ZNF790: variants seen among roughly 807,000 people sequenced by gnomAD.
The protein encoded by ZNF790 is zinc finger protein 790.
In ZNF790, 8 loss-of-function variants were observed where a neutral mutation model predicts 12.1. That is an observed-to-expected ratio of 0.66 (90% CI 0.39 to 1.19). ZNF790 has a LOEUF of 1.19. Among genes scored for constraint, ZNF790 ranks in the 50% most tolerant of loss-of-function variants. The pLI is 0.01. For missense variants in ZNF790, 707 were observed against 752.2 expected (o/e 0.94, Z 0.70); for synonymous variants, 252 against 244.3 (o/e 1.03, Z -0.29).
In ZNF790 at chr19:36,823,652, A is replaced by G; in HGVS notation, c.133+15T>C. 1 of 1,597,050 alleles carries G rather than the reference A, an allele frequency of 6.3e-7. No individual in the cohort carries two copies. The highest frequency in any genetic ancestry group is 8.5e-7 in the Non-Finnish European group (1 of 1,176,222). On this transcript the variant is annotated intron_variant, in intron 3 of 4. Coordinates refer to ENST00000356725, the MANE Select transcript of ZNF790 (RefSeq NM_206894.4). ...ACAGAAAGCAGGAATTTCTAAGGAA[A>G]ATGCTGAATCTTACCCAGTGAGACC... is the stretch of plus-strand genomic sequence containing the variant.
At chr19:36,849,232 T>A (rs745509765) in intron 1 of ZNF790, among the ~76,000 whole-genome samples, 5 of 152,156 alleles carry the variant, frequency 3.3e-5, no homozygotes, top group African/African-American at 7.2e-5. Context: ...CGGCCCTTCC[T>A]GCCATTGTTA....
chr19:36,836,706 C>T (rs374571186), intron 1 of ZNF790, among the ~76,000 whole-genome samples: 2 of 152,176 alleles, frequency 1.3e-5, no homozygotes, highest in East Asian at 1.9e-4. Context: ...TGCAGTGAGC[C>T]GTGATTGCAC....
Position 36,825,658 on chromosome 19 carries a change from C to A in ZNF790, c.-39G>T, listed in dbSNP as rs1179998789. The A allele has an allele frequency of 6.2e-7, 1 of 1,613,574 alleles. No individual in the cohort carries two copies. Among genetic ancestry groups the A allele is most frequent in the South Asian group, 1.1e-5 (1 of 91,072 alleles). ...AAGTCCACCAGTCCTTCTCTGGATT[C>A]TTTCTTGGTGAGGCAGCGTGCTGGG... On this transcript the variant is annotated 5_prime_UTR_variant, in exon 2 of 5. Transcript: ENST00000356725.
At chr19:36,832,965 A>C (rs1420030041) in intron 1 of ZNF790, among the ~76,000 whole-genome samples, 1 of 133,518 alleles carries the variant, frequency 7.5e-6, no homozygotes, top group Non-Finnish European at 1.6e-5. Context: ...CAAAAGAATG[A>C]GACCTTCTCT....
chr19:36,843,860 T>C (rs755533979), intron 1 of ZNF790, among the ~76,000 whole-genome samples: 24 of 151,168 alleles, frequency 1.6e-4, no homozygotes, highest in Non-Finnish European at 2.7e-4. Context: ...AATACAAAAT[T>C]AGCCGGGCAT....
chr19:36,823,655 G>T lies in ZNF790; in HGVS notation c.133+12C>A, dbSNP rs748289419. The T allele has an allele frequency of 1.3e-6, 2 of 1,596,968 alleles. No individual in the cohort carries two copies. The highest frequency in any genetic ancestry group is 1.7e-6 in the Non-Finnish European group (2 of 1,176,160). On this transcript the variant is annotated intron_variant, in intron 3 of 4. Transcript: ENST00000356725. ...GAAAGCAGGAATTTCTAAGGAAAAT[G>T]CTGAATCTTACCCAGTGAGACCATG... is the stretch of plus-strand genomic sequence containing the variant.
Position 36,818,352 on chromosome 19 carries a change from G to C in ZNF790, c.*81C>G. ...GCCTTCCAATATTACTTACATTTGT[G>C]GTGTTCCTCAAGAGAAAAAAATAAA... On this transcript the variant is annotated 3_prime_UTR_variant, in exon 5 of 5. Coordinates refer to ENST00000356725, the MANE Select transcript of ZNF790 (RefSeq NM_206894.4). 14 of 1,343,112 alleles carry C rather than the reference G, an allele frequency of 1.0e-5. No homozygotes were observed. Among genetic ancestry groups the C allele is most frequent in the Non-Finnish European group, 1.4e-5 (14 of 1,003,792 alleles). The allele number at this position is 1,343,112 out of a possible 1,614,324, so 83.2% of individuals were successfully genotyped here.
chr19:36,850,287 C>T (rs1600679602), exon 1 of ZNF790: 1 of 152,252 alleles, frequency 6.6e-6, no homozygotes, highest in African/African-American at 2.4e-5. Flanking sequence ...ACTACGTTTC[C>T]CAGGAGACCC....
Position 36,838,386 on chromosome 19 carries a change from A to G in ZNF790, c.-123T>C, listed in dbSNP as rs1488895064. 2 of 152,150 alleles carry G rather than the reference A, an allele frequency of 1.3e-5. No individual in the cohort carries two copies. Among genetic ancestry groups the G allele is most frequent in the Non-Finnish European group, 2.9e-5 (2 of 68,068 alleles). The allele number at this position is 152,150 out of a possible 1,614,324, so 9.4% of individuals were successfully genotyped here. A position where few individuals can be genotyped will look rare whatever the true frequency, so the allele number is the denominator to read the frequency against. ...GGAAGGTTCCGCGATCTTTCTATTAACCCTAAAGGGACAGAGGGCTGACAG... is the reference window on the plus strand; with the variant it reads ...GGAAGGTTCCGCGATCTTTCTATTAGCCCTAAAGGGACAGAGGGCTGACAG... On this transcript the variant is annotated 5_prime_UTR_variant, in exon 1 of 5. Transcript: ENST00000356725. The surrounding 1 kb of genome is among the most constrained non-coding windows in gnomAD (Gnocchi z 4.4).
At chr19:36,846,631 T>C (rs552655657) in intron 1 of ZNF790, among the ~76,000 whole-genome samples, 17 of 152,038 alleles carry the variant, frequency 1.1e-4, no homozygotes, top group Non-Finnish European at 1.8e-4. Flanking sequence ...GAACAGGAAA[T>C]AGGAACTTTC....
At chr19:36,843,256 A>C (rs183363954), upstream of ZNF790, among the ~76,000 whole-genome samples, 1 of 152,242 alleles carries the variant, frequency 6.6e-6, no homozygotes, top group Non-Finnish European at 1.5e-5. Context: ...TGAACTCTAC[A>C]TAAGGCTGGT....
chr19:36,827,541 T>C (rs940583421), intron 1 of ZNF790: 7 of 153,462 alleles, frequency 4.6e-5, no homozygotes, highest in Non-Finnish European at 8.8e-5. Context: ...GAAACAGCAC[T>C]GGATGAACGC....
Position 36,819,172 on chromosome 19 carries a change from C to A in ZNF790, c.1172G>T (p.Arg391Met). 6.2e-7 allele frequency: 1 copy of A among 1,613,680 alleles called. No individual in the cohort carries two copies. Among genetic ancestry groups the A allele is most frequent in the South Asian group, 1.1e-5 (1 of 91,044 alleles). Residue 391 changes from arginine (R) to methionine (M), a missense_variant, in exon 5 of 5, where the codon AGG becomes ATG. Arg to Met is a moderately conservative substitution (Grantham distance 91). Coordinates refer to ENST00000356725, the MANE Select transcript of ZNF790 (RefSeq NM_206894.4). Reference protein sequence around the residue: ...LAQHQNVHVGRKPYKCEKCGK... With the variant: ...LAQHQNVHVGMKPYKCEKCGK... ...ACATTTCTCACATTTATAAGGTTTCCTACCAACATGAACATTCTGATGTTG... is the reference window on the plus strand; with the variant it reads ...ACATTTCTCACATTTATAAGGTTTCATACCAACATGAACATTCTGATGTTG...
chr19:36,825,958 A>C (rs2071788165), intron 1 of ZNF790, among the ~76,000 whole-genome samples: 1 of 152,154 alleles, frequency 6.6e-6, no homozygotes, highest in Non-Finnish European at 1.5e-5. Flanking sequence ...ATTTATCCTC[A>C]AGCCGCCTAT....
chr19:36,825,778 A>G, intron 1 of ZNF790, 86 bp from the exon 2 acceptor site: 1 of 776,040 alleles, frequency 1.3e-6, no homozygotes, highest in Non-Finnish European at 2.2e-6. Context: ...CTTGGAGGTA[A>G]GTCAGAAGGA....
At chr19:36,827,022 GGAAGA>G (rs1234456649) in intron 1 of ZNF790, among the ~76,000 whole-genome samples, 4 of 149,880 alleles carry the variant, frequency 2.7e-5, no homozygotes, top group Admixed American at 6.7e-5. Flanking sequence ...AATTGCAATG[GGAAGA>G]GAAGGGAAAA....
intron 4 of ZNF790, among the ~76,000 whole-genome samples, chr19:36,820,892 C>CT (rs1161286902): frequency 0.22 from 28,474 of 126,616 alleles, 3,510 homozygotes; most frequent in African/African-American, 0.32. Flanking sequence ...GAGACCCTGT[C>CT]TTTTTTTTTT....
rs1171292101 is a variant in ZNF790 at position 36,819,558 on chromosome 19, G to GGCTTTC, written c.780_785dup (p.Lys261_Ala262dup). The GGCTTTC allele has an allele frequency of 6.8e-6, 11 of 1,612,446 alleles. No individual in the cohort carries two copies. The East Asian group carries it at 2.2e-4, about 33-fold the overall frequency. ...CACTAAGTTGTGAATGAAATCTAAA[G>GGCTTTC]GCTTTCCCACAATCCTTACATTTAA... On this transcript the variant is annotated inframe_insertion, in exon 5 of 5. Transcript: ENST00000356725.
At chr19:36,830,864 G>A (rs1325482078) in intron 1 of ZNF790, among the ~76,000 whole-genome samples, 1 of 152,206 alleles carries the variant, frequency 6.6e-6, no homozygotes, top group East Asian at 1.9e-4. Context: ...TTTTAGGCTG[G>A]TGCAGTGGCT....
Sources: allele counts gnomAD v4.1 joint callset (sites outside exome capture counted in the v4.1 genomes callset), GRCh38; gene constraint gnomAD v4.1.1; non-coding constraint Gnocchi (gnomAD v3.1); transcripts MANE v1.5; gene names NCBI Gene and HGNC (gene_info 2026-07-23, HGNC 2026-07-21).